The following ARID1B variants were observed in gnomAD, a reference collection of about 807,000 sequenced individuals.
The protein encoded by ARID1B is AT-rich interaction domain 1B.
In ARID1B, 30 loss-of-function variants were observed where a neutral mutation model predicts 212.3. That is an observed-to-expected ratio of 0.14 (90% CI 0.11 to 0.19). ARID1B has a LOEUF of 0.19. Ranked by LOEUF, ARID1B falls within the 10% of genes least tolerant of loss-of-function variation. The pLI, the probability that ARID1B is intolerant of heterozygous loss-of-function variation, is 1.00. For missense variants in ARID1B, 2,891 were observed against 3,204.0 expected (o/e 0.90, Z 2.36); for synonymous variants, 1,402 against 1,301.7 (o/e 1.08, Z -1.66).
At chr6:157,057,526 C>T (rs1218860303) in intron 4 of ARID1B, among the ~76,000 whole-genome samples, 2 of 151,968 alleles carry the variant, frequency 1.3e-5, no homozygotes, top group African/African-American at 2.4e-5. Context: ...TAGGCCCAAA[C>T]GATCCTCCCA....
At chr6:157,038,634 T>C (rs1781491557) in intron 4 of ARID1B, among the ~76,000 whole-genome samples, 1 of 152,230 alleles carries the variant, frequency 6.6e-6, no homozygotes. Flanking sequence ...TAGAACCTAA[T>C]TCAGTATTAT....
intron 4 of ARID1B, among the ~76,000 whole-genome samples, chr6:157,006,159 C>G (rs1459465189): frequency 6.6e-6 from 1 of 152,188 alleles, no homozygotes; most frequent in East Asian, 1.9e-4. Context: ...ATTCTTACCT[C>G]AGGGAACTAA....
intron 4 of ARID1B, among the ~76,000 whole-genome samples, chr6:157,081,283 G>C (rs911770180): frequency 3.9e-5 from 6 of 152,176 alleles, no homozygotes; most frequent in African/African-American, 1.4e-4. Context: ...ACTTATAAAA[G>C]AAGAATAGAG....
intron 1 of ARID1B, among the ~76,000 whole-genome samples, chr6:156,783,965 T>C (rs996468800): frequency 3.9e-5 from 6 of 152,188 alleles, no homozygotes; most frequent in African/African-American, 1.4e-4. Flanking sequence ...TTGATAGAAG[T>C]GTGGTGTGTT....
chr6:156,781,126 G>C (rs1247764384), intron 1 of ARID1B, among the ~76,000 whole-genome samples: 1 of 152,056 alleles, frequency 6.6e-6, no homozygotes, highest in Non-Finnish European at 1.5e-5. Context: ...GAGGAGTTTT[G>C]GTTAGAATTG....
At chr6:157,098,208 G>A (rs573158601) in intron 5 of ARID1B, among the ~76,000 whole-genome samples, 66 of 152,270 alleles carry the variant, frequency 4.3e-4, no homozygotes, top group East Asian at 2.1e-3. Flanking sequence ...TGTTCTCCCC[G>A]CCGCCTCTTA....
In ARID1B at chr6:157,150,662, T is replaced by C. The variant is rs539647835; in HGVS notation, c.3089+1711T>C. The C allele has an allele frequency of 3.5e-5, 6 of 172,914 alleles. No individual in the cohort carries two copies. In the East Asian group the frequency reaches 5.2e-4, roughly 15 times the overall value. 10.7% of individuals were successfully genotyped at this position (172,914 alleles called of 1,614,324 possible). A position where few individuals can be genotyped will look rare whatever the true frequency, so the allele number is the denominator to read the frequency against. ...CACCTATGTGTGGGGGTGACAGATA[T>C]ACAGGGCTCATGCTTGTGCATCAGA... On this transcript the variant is annotated intron_variant, in intron 8 of 19. Coordinates refer to ENST00000636930, the MANE Select transcript of ARID1B (RefSeq NM_001374828.1).
At chr6:157,023,833 TC>T (rs1780479354) in intron 4 of ARID1B, 1 of 152,190 alleles carries the variant, frequency 6.6e-6, no homozygotes, top group African/African-American at 2.4e-5. Flanking sequence ...GTTCCTATGC[TC>T]CCCTAGGTTT....
intron 4 of ARID1B, among the ~76,000 whole-genome samples, chr6:156,997,236 T>G (rs1778646965): frequency 6.6e-6 from 1 of 152,160 alleles, no homozygotes; most frequent in Non-Finnish European, 1.5e-5. Flanking sequence ...TTGACAGAAT[T>G]TAGAGGTTGG....
intron 4 of ARID1B, among the ~76,000 whole-genome samples, chr6:157,063,660 TC>T (rs1229163971): frequency 6.6e-6 from 1 of 152,208 alleles, no homozygotes; most frequent in Non-Finnish European, 1.5e-5. Flanking sequence ...GAAATGTACT[TC>T]TAATGAGTCA....
At chr6:157,186,288 C>T (rs954450147) in intron 13 of ARID1B, 1 of 352,366 alleles carries the variant, frequency 2.8e-6, no homozygotes, top group African/African-American at 2.2e-5. Context: ...TTTATGGCAA[C>T]ATTATCATTT....
intron 1 of ARID1B, among the ~76,000 whole-genome samples, chr6:156,807,660 T>C (rs1310293385): frequency 6.6e-6 from 1 of 151,706 alleles, no homozygotes; most frequent in Non-Finnish European, 1.5e-5. Flanking sequence ...ATTATATAAA[T>C]ATAAACATCT....
At chr6:156,973,695 G>A (rs1777072503) in intron 4 of ARID1B, among the ~76,000 whole-genome samples, 2 of 152,150 alleles carry the variant, frequency 1.3e-5, no homozygotes. Flanking sequence ...ACTGAGACTT[G>A]ATTTGTTTGT....
intron 4 of ARID1B, among the ~76,000 whole-genome samples, chr6:157,039,318 A>ATTTTTTTTTTTTTTT (rs1215591720): frequency 1.6e-4 from 18 of 112,804 alleles, no homozygotes; most frequent in East Asian, 9.3e-4. Context: ...GAAATTTGAC[A>ATTTTTTTTTTTTTTT]TTTCTTTTTT....
At chr6:156,815,680 T>C (rs1781916112) in intron 1 of ARID1B, among the ~76,000 whole-genome samples, 1 of 152,206 alleles carries the variant, frequency 6.6e-6, no homozygotes, top group Admixed American at 6.5e-5. Context: ...AACAAATTGT[T>C]TCAGGTGGGA....
intron 4 of ARID1B, chr6:156,943,468 A>G (rs1175714419): frequency 1.3e-5 from 2 of 150,532 alleles, no homozygotes; most frequent in African/African-American, 2.5e-5. Context: ...ACTTTTCTTC[A>G]TAATGCATTC....
chr6:156,990,473 TCTA>T (rs1304304019), intron 4 of ARID1B, among the ~76,000 whole-genome samples: 3 of 152,036 alleles, frequency 2.0e-5, no homozygotes, highest in African/African-American at 7.2e-5. Context: ...AAACCCCGTC[TCTA>T]CTAAAAATAC....
chr6:156,903,748 G>C (rs1007339919), intron 3 of ARID1B, among the ~76,000 whole-genome samples: 29 of 152,046 alleles, frequency 1.9e-4, no homozygotes, highest in African/African-American at 7.0e-4. Context: ...AAAAACTTAA[G>C]AAGCTCAACC....
At chr6:156,851,093 C>G (rs1032654485) in intron 2 of ARID1B, among the ~76,000 whole-genome samples, 1 of 152,152 alleles carries the variant, frequency 6.6e-6, no homozygotes, top group Non-Finnish European at 1.5e-5. Flanking sequence ...CCAGGTCTGG[C>G]TCTTTGAACA....
Sources: gnomAD v4.1 joint callset for allele counts (sites outside exome capture counted in the v4.1 genomes callset) on GRCh38, gnomAD v4.1.1 for gene constraint, MANE v1.5 for transcripts, NCBI Gene and HGNC (gene_info 2026-07-23, HGNC 2026-07-21) for gene names.